The following HACE1 variants were observed in gnomAD, a reference collection of about 807,000 sequenced individuals.
HACE1 encodes E3 ubiquitin-protein ligase HACE1.
Under a neutral mutation model 118.4 loss-of-function variants are expected in HACE1, and 73 were observed. That is an observed-to-expected ratio of 0.62 (90% CI 0.51 to 0.75). The LOEUF is 0.75. HACE1 is among the 30% of genes least tolerant of loss of function. HACE1 has a pLI of 0.00. For missense variants in HACE1, 749 were observed against 1,102.2 expected, an observed-to-expected ratio of 0.68 and a Z score of 4.54; for synonymous variants, 368 against 374.8, an observed-to-expected ratio of 0.98 and a Z score of 0.21.
At chr6:104,793,875 G>A (rs1418397097) in intron 10 of HACE1, among the ~76,000 whole-genome samples, 1 of 152,106 alleles carries the variant, frequency 6.6e-6, no homozygotes, top group African/African-American at 2.4e-5. Context: ...GGCCAAAAAT[G>A]GCCATAAAAA....
intron 5 of HACE1, among the ~76,000 whole-genome samples, chr6:104,840,835 T>A (rs55713116): frequency 2.7e-3 from 404 of 152,286 alleles, no homozygotes; most frequent in African/African-American, 9.5e-3. Flanking sequence ...TGGTGGCACA[T>A]GCCTGAAATC....
intron 19 of HACE1, among the ~76,000 whole-genome samples, chr6:104,758,938 A>T (rs1476607666): frequency 6.6e-6 from 1 of 152,194 alleles, no homozygotes; most frequent in Non-Finnish European, 1.5e-5. Flanking sequence ...ACCAAAGAAG[A>T]TCAAAACAGA....
Position 104,791,468 on chromosome 6 carries a change from G to A in HACE1, c.1074+36C>T, listed in dbSNP as rs371493017. 73 of 1,558,288 alleles carry A rather than the reference G, an allele frequency of 4.7e-5. No homozygotes were observed. The South Asian group carries it at 5.1e-4, about 11-fold the overall frequency. On this transcript the variant is annotated intron_variant, in intron 11 of 23. Transcript: ENST00000262903. The stretch of plus-strand genomic sequence containing the variant: ...GCTTTGTCAAATTCATCTCTTTTAC[G>A]TCTATCTTCCTAACAATGCCATATA...
chr6:104,799,900 G>A (rs1003553826), intron 7 of HACE1, among the ~76,000 whole-genome samples: 12 of 143,486 alleles, frequency 8.4e-5, no homozygotes, highest in Admixed American at 4.2e-4. Flanking sequence ...TGCAGCCCAC[G>A]GAGGGTGAGC....
chr6:104,764,045 TCAAA>T (rs896889775), intron 19 of HACE1, among the ~76,000 whole-genome samples: 6 of 151,950 alleles, frequency 3.9e-5, no homozygotes, highest in Non-Finnish European at 5.9e-5. Flanking sequence ...AGATTTTATC[TCAAA>T]CAAACAAACA....
At chr6:104,847,726 T>C (rs967117099) in intron 4 of HACE1, among the ~76,000 whole-genome samples, 11 of 151,966 alleles carry the variant, frequency 7.2e-5, no homozygotes, top group African/African-American at 2.2e-4. Flanking sequence ...CAGTTGAGAA[T>C]AGGAAACAAA....
intron 4 of HACE1, among the ~76,000 whole-genome samples, chr6:104,846,423 C>T (rs898407351): frequency 1.3e-5 from 2 of 152,138 alleles, no homozygotes; most frequent in South Asian, 2.1e-4. Flanking sequence ...GCTGAATCCC[C>T]CTGTACAAGG....
intron 12 of HACE1, 85 bp downstream of exon 12, chr6:104,784,900 T>C (rs996160370): frequency 1.3e-5 from 11 of 879,196 alleles, no homozygotes; most frequent in Non-Finnish European, 2.1e-5. Context: ...CAAATTATTA[T>C]TTGTTGTTTT....
intron 20 of HACE1, among the ~76,000 whole-genome samples, chr6:104,749,459 A>T (rs1777807758): frequency 6.6e-6 from 1 of 152,164 alleles, no homozygotes; most frequent in Non-Finnish European, 1.5e-5. Context: ...ATGATAAATT[A>T]AAAATACTGA....
In HACE1 at chr6:104,729,743, A is replaced by G; in HGVS notation, c.2649T>C (p.Pro883=). The change falls in exon 24 of 24, where the codon CCT becomes CCC. Residue 883 remains proline, a synonymous_variant. Transcript: ENST00000262903. ...SSTCINMLKL[P]EYPSKEILKD... is the part of the protein sequence containing the mutation. ...TGAGTATTTCTTTACTTGGGTATTC[A>G]GGTAACTTGAGCATGTTGATGCTTT... 6.5e-7 allele frequency: 1 copy of G among 1,532,516 alleles called. No homozygotes were observed. The highest frequency in any genetic ancestry group is 1.1e-5 in the South Asian group (1 of 89,548). 94.9% of individuals were successfully genotyped at this position (1,532,516 alleles called of 1,614,324 possible). A position where few individuals can be genotyped will look rare whatever the true frequency, so the allele number is the denominator to read the frequency against.
At chr6:104,744,635 C>A in intron 20 of HACE1, 25 bp from the exon 21 acceptor site, 1 of 1,306,632 alleles carries the variant, frequency 7.7e-7, no homozygotes, top group Non-Finnish European at 1.1e-6. Context: ...AAAAATATTT[C>A]AATAATTTTC....
At chr6:104,801,871 T>A (rs906997955) in intron 7 of HACE1, among the ~76,000 whole-genome samples, 1 of 152,034 alleles carries the variant, frequency 6.6e-6, no homozygotes, top group African/African-American at 2.4e-5. Context: ...TAACCTTAAA[T>A]GTAAATGGGC....
At chr6:104,760,818 C>A (rs1239331095) in intron 19 of HACE1, among the ~76,000 whole-genome samples, 3 of 152,190 alleles carry the variant, frequency 2.0e-5, no homozygotes, top group African/African-American at 7.2e-5. Flanking sequence ...AGCGCAAAAT[C>A]TCCTTAAGCT....
chr6:104,746,315 T>C (rs1338450305), intron 20 of HACE1, among the ~76,000 whole-genome samples: 2 of 152,228 alleles, frequency 1.3e-5, no homozygotes, highest in African/African-American at 2.4e-5. Context: ...CACAGTGTTA[T>C]AGAATCCTTT....
intron 22 of HACE1, among the ~76,000 whole-genome samples, chr6:104,735,987 A>G (rs1775785158): frequency 6.6e-6 from 1 of 151,980 alleles, no homozygotes; most frequent in Non-Finnish European, 1.5e-5. Flanking sequence ...CAATAGTTTT[A>G]AAAGTAAAAA....
intron 6 of HACE1, among the ~76,000 whole-genome samples, chr6:104,820,617 T>A (rs1772613283): frequency 6.6e-6 from 1 of 152,076 alleles, no homozygotes; most frequent in African/African-American, 2.4e-5. Flanking sequence ...ATTAGAGAAA[T>A]GCAAATCAAA....
intron 22 of HACE1, chr6:104,732,344 C>T (rs1237490392): frequency 6.6e-6 from 1 of 152,052 alleles, no homozygotes; most frequent in South Asian, 2.1e-4. Flanking sequence ...ATTATTTAGC[C>T]AAGGGAGTAT....
Position 104,750,487 on chromosome 6 carries a change from G to A in HACE1, c.2212-15C>T, listed in dbSNP as rs755100527. The A allele has an allele frequency of 1.1e-5, 17 of 1,611,280 alleles. No homozygotes were observed. Among genetic ancestry groups the A allele is most frequent in the Non-Finnish European group, 1.4e-5 (17 of 1,177,804 alleles). ...ACGTACTCCGCCTGTTGAAAAAGAAGTTTTCATGATGACTTTTCAAAAACC... is the reference window on the plus strand; with the variant it reads ...ACGTACTCCGCCTGTTGAAAAAGAAATTTTCATGATGACTTTTCAAAAACC... On this transcript the variant is annotated splice_polypyrimidine_tract_variant and intron_variant, in intron 19 of 23. Coordinates refer to ENST00000262903, the MANE Select transcript of HACE1 (RefSeq NM_020771.4).
chr6:104,826,953 C>G (rs1024981382), intron 6 of HACE1, among the ~76,000 whole-genome samples: 1 of 152,072 alleles, frequency 6.6e-6, no homozygotes, highest in Non-Finnish European at 1.5e-5. Flanking sequence ...AAAAGAAAAG[C>G]ATAGGGGATT....
Sources: allele counts gnomAD v4.1 joint callset (sites outside exome capture counted in the v4.1 genomes callset), GRCh38; gene constraint gnomAD v4.1.1; transcripts MANE v1.5; gene names NCBI Gene and HGNC (gene_info 2026-07-23, HGNC 2026-07-21).